TMPRSS15: variants seen among roughly 807,000 people sequenced by gnomAD.
TMPRSS15 encodes transmembrane serine protease 15.
Under a neutral mutation model 125.3 loss-of-function variants are expected in TMPRSS15, and 128 were observed. The ratio of observed to expected loss-of-function variants is 1.02; its 90% CI spans 0.89 to 1.18. The LOEUF (loss-of-function observed/expected upper bound fraction) is 1.18, where lower values mean the gene tolerates loss of function less well. TMPRSS15 is among the 50% of genes most tolerant of loss of function. The probability of loss-of-function intolerance (pLI) is 0.00; values close to 1 mark genes in which losing one functional copy is unlikely to be tolerated. For missense variants in TMPRSS15, 1,283 were observed against 1,212.7 expected (o/e 1.06, Z -0.86); for synonymous variants, 446 against 423.2 (o/e 1.05, Z -0.66).
At chr21:18,477,270 T>C (rs1978898975) in intron 1 of TMPRSS15, 1 of 152,150 alleles carries the variant, frequency 6.6e-6, no homozygotes, top group Non-Finnish European at 1.5e-5. Flanking sequence ...ATTACTGCGT[T>C]ACACCAATTG....
chr21:18,481,608 T>A (rs1220605559), intron 1 of TMPRSS15, among the ~76,000 whole-genome samples: 5 of 151,716 alleles, frequency 3.3e-5, no homozygotes, highest in Non-Finnish European at 5.9e-5. Flanking sequence ...ATAAATATTT[T>A]TATCTTGAGA....
intron 22 of TMPRSS15, among the ~76,000 whole-genome samples, chr21:18,280,135 A>G (rs2074673931): frequency 6.6e-6 from 1 of 152,216 alleles, no homozygotes; most frequent in Non-Finnish European, 1.5e-5. Flanking sequence ...GGGCACTGAA[A>G]AAGACTTAGG....
chr21:18,303,055 T>C (rs1332988603), intron 18 of TMPRSS15, among the ~76,000 whole-genome samples: 4 of 152,200 alleles, frequency 2.6e-5, no homozygotes, highest in Non-Finnish European at 5.9e-5. Flanking sequence ...GAACTTGTCA[T>C]CCCTTTGGAA....
intron 3 of TMPRSS15, among the ~76,000 whole-genome samples, chr21:18,392,323 C>A (rs887301387): frequency 6.6e-6 from 1 of 152,142 alleles, no homozygotes; most frequent in African/African-American, 2.4e-5. Flanking sequence ...ATTTCTCCTG[C>A]CAGATACCTT....
chr21:18,341,590 T>C (rs1395217904), intron 12 of TMPRSS15, 42 bp from the exon 13 acceptor site: 15 of 1,606,716 alleles, frequency 9.3e-6, no homozygotes, highest in Non-Finnish European at 1.3e-5. Context: ...GATTCCATTC[T>C]AATCTTCTCT....
chr21:18,425,580 C>T (rs1276885072), intron 1 of TMPRSS15, among the ~76,000 whole-genome samples: 1 of 152,120 alleles, frequency 6.6e-6, no homozygotes, highest in African/African-American at 2.4e-5. Flanking sequence ...GATGGTCTTA[C>T]ATGATATGTG....
Position 18,270,081 on chromosome 21 carries a change from C to A in TMPRSS15, c.2948G>T (p.Trp983Leu), listed in dbSNP as rs1464375609. 1.2e-6 allele frequency: 2 copies of A among 1,614,024 alleles called. No homozygotes were observed. The highest frequency in any genetic ancestry group is 1.7e-6 in the Non-Finnish European group (2 of 1,179,944). The change falls in exon 25 of 25, where the codon TGG becomes TTG. Residue 983 changes from tryptophan to leucine, a missense_variant. Trp to Leu is a moderately conservative substitution (Grantham distance 61, BLOSUM62 -2). Transcript: ENST00000284885. ...GPLMCQENNR[W>L]FLAGVTSFGY... ...AAATGAGGTCACACCAGCAAGGAAC[C>A]ACCTGTTGTTTTCTTGGCACATTAA...
At position 18,323,472 on chromosome 21, in the gene TMPRSS15, C is replaced by A. The variant is rs1006374047; in HGVS notation, c.1921+2960G>T. ...TATCATGAGAACAGCACAGGAAAAACCCACCCCCATTACTCAATTACCTCC... is the reference window on the plus strand; with the variant it reads ...TATCATGAGAACAGCACAGGAAAAAACCACCCCCATTACTCAATTACCTCC... On this transcript the variant is annotated intron_variant, in intron 16 of 24. Coordinates refer to ENST00000284885, the MANE Select transcript of TMPRSS15 (RefSeq NM_002772.3). Among the ~76,000 whole-genome samples, 5 of 152,062 alleles carry A rather than the reference C, an allele frequency of 3.3e-5. 1 individual carries two copies. The highest frequency in any genetic ancestry group is 2.0e-4 in the Admixed American group (3 of 15,252).
At chr21:18,412,966 A>C (rs2076169805) in intron 1 of TMPRSS15, among the ~76,000 whole-genome samples, 1 of 152,176 alleles carries the variant, frequency 6.6e-6, no homozygotes, top group African/African-American at 2.4e-5. Flanking sequence ...ATTTTAAATA[A>C]ATATAATTGT....
intron 1 of TMPRSS15, among the ~76,000 whole-genome samples, chr21:18,484,600 T>C (rs1312180696): frequency 6.6e-6 from 1 of 151,870 alleles, no homozygotes. Flanking sequence ...CAGACTAGCA[T>C]ACTTTTATAT....
At chr21:18,306,651 A>C (rs1235919187) in intron 18 of TMPRSS15, among the ~76,000 whole-genome samples, 1 of 152,128 alleles carries the variant, frequency 6.6e-6, no homozygotes, top group Non-Finnish European at 1.5e-5. Flanking sequence ...AATTCTCTAA[A>C]GTTTTACAGA....
At chr21:18,372,024 G>C (rs1018450730) in intron 6 of TMPRSS15, among the ~76,000 whole-genome samples, 169 bp downstream of exon 6, 1 of 150,674 alleles carries the variant, frequency 6.6e-6, no homozygotes. Context: ...ATTATTTTAA[G>C]ATTTTGTATT....
At chr21:18,279,170 G>T in intron 22 of TMPRSS15, 111 bp from the exon 23 acceptor site, 1 of 673,004 alleles carries the variant, frequency 1.5e-6, no homozygotes. Context: ...TAAAAAACAT[G>T]TATTTTTTTT....
chr21:18,407,637 T>G (rs897050693), upstream of TMPRSS15, among the ~76,000 whole-genome samples: 1 of 152,038 alleles, frequency 6.6e-6, no homozygotes, highest in Non-Finnish European at 1.5e-5. Context: ...CGCTTTTTTC[T>G]TTTTGTAGAA....
chr21:18,456,295 G>A (rs1978438839), intron 1 of TMPRSS15, among the ~76,000 whole-genome samples: 1 of 152,060 alleles, frequency 6.6e-6, no homozygotes, highest in Non-Finnish European at 1.5e-5. Flanking sequence ...TAGAATGATT[G>A]TCTAATGTCA....
chr21:18,381,414 CT>C (rs960619018), intron 4 of TMPRSS15, among the ~76,000 whole-genome samples: 1 of 152,040 alleles, frequency 6.6e-6, no homozygotes, highest in African/African-American at 2.4e-5. Flanking sequence ...TTCAAGATAT[CT>C]ATGTAATTCT....
At chr21:18,414,797 G>C (rs929785094) in intron 1 of TMPRSS15, among the ~76,000 whole-genome samples, 23 of 152,126 alleles carry the variant, frequency 1.5e-4, no homozygotes, top group Non-Finnish European at 7.4e-5. Context: ...TGGCTACCGT[G>C]AATAATGTTG....
At chr21:18,353,962 G>T in intron 8 of TMPRSS15, 99 bp from the exon 9 acceptor site, 1 of 1,145,002 alleles carries the variant, frequency 8.7e-7, no homozygotes, top group Non-Finnish European at 1.3e-6. Context: ...TTTGTCAGTT[G>T]ATCTATACAA....
chr21:18,436,830 AG>A (rs2076228913), intron 1 of TMPRSS15, among the ~76,000 whole-genome samples: 1 of 17,650 alleles, frequency 5.7e-5, no homozygotes, highest in Non-Finnish European at 1.5e-4. Flanking sequence ...GCTCATGGGT[AG>A]GAAGAATCAA....
Sources: allele counts gnomAD v4.1 joint callset (sites outside exome capture counted in the v4.1 genomes callset), GRCh38; gene constraint gnomAD v4.1.1; transcripts MANE v1.5; gene names NCBI Gene and HGNC (gene_info 2026-07-23, HGNC 2026-07-21).